Variants in GPHN observed in about 807,000 individuals in gnomAD.
The protein encoded by GPHN is gephyrin.
GPHN carries 17 observed loss-of-function variants against 95.5 expected under a neutral mutation model. The ratio of observed to expected loss-of-function variants is 0.18; its 90% CI spans 0.12 to 0.27. The LOEUF (loss-of-function observed/expected upper bound fraction) is 0.27. Ranked by LOEUF, GPHN falls within the 10% of genes least tolerant of loss-of-function variation. The probability of loss-of-function intolerance (pLI) is 1.00; values close to 1 mark genes in which losing one functional copy is unlikely to be tolerated. For missense variants in GPHN, 660 were observed against 978.1 expected, an observed-to-expected ratio of 0.67 and a Z score of 4.34; for synonymous variants, 320 against 322.5, an observed-to-expected ratio of 0.99 and a Z score of 0.08.
chr14:67,463,416 G>T, the GPHN span, among the ~76,000 whole-genome samples: 1 of 152,090 alleles, frequency 6.6e-6, no homozygotes, highest in Non-Finnish European at 1.5e-5. Context: ...GAGGCGGGTG[G>T]ATCACAAGGT....
the GPHN span, among the ~76,000 whole-genome samples, chr14:67,513,410 T>C: frequency 6.6e-6 from 1 of 152,182 alleles, no homozygotes; most frequent in Middle Eastern, 3.2e-3. Context: ...AATCTATAGC[T>C]CAGGGGACTC....
the GPHN span, among the ~76,000 whole-genome samples, chr14:67,326,962 G>C: frequency 3.0e-4 from 45 of 151,888 alleles, no homozygotes; most frequent in African/African-American, 1.1e-3. Context: ...ATCACTTGAG[G>C]TGAGGAGTTT....
the GPHN span, among the ~76,000 whole-genome samples, chr14:67,686,441 C>A: frequency 1.3e-5 from 2 of 151,952 alleles, no homozygotes; most frequent in Non-Finnish European, 2.9e-5. Flanking sequence ...GAGTTATAGA[C>A]CAGCCTGGGC....
chr14:66,977,913 T>C (rs1445015395), intron 9 of GPHN, among the ~76,000 whole-genome samples: 2 of 152,238 alleles, frequency 1.3e-5, no homozygotes, highest in African/African-American at 4.8e-5. Flanking sequence ...TACCTATATT[T>C]ACAGGCATAC....
chr14:67,619,939 G>C, the GPHN span: 64 of 1,407,646 alleles, frequency 4.5e-5, 1 homozygote, highest in Middle Eastern at 1.7e-3. Flanking sequence ...TTCCAACCGC[G>C]CGGAGCCTCT....
chr14:67,671,830 AAGAGAGG>A, the GPHN span, among the ~76,000 whole-genome samples: 1 of 152,188 alleles, frequency 6.6e-6, no homozygotes, highest in Non-Finnish European at 1.5e-5. Context: ...GCAGGCAAGC[AAGAGAGG>A]GCTGAACTAA....
At chr14:67,303,447 G>A in the GPHN span, 23 of 1,185,788 alleles carry the variant, frequency 1.9e-5, no homozygotes, top group Non-Finnish European at 2.9e-5. Flanking sequence ...CCAGTTTAGG[G>A]AATATAGATC....
chr14:67,633,836 T>C, the GPHN span, among the ~76,000 whole-genome samples: 1 of 152,252 alleles, frequency 6.6e-6, no homozygotes, highest in African/African-American at 2.4e-5. Flanking sequence ...TAAGCATTTC[T>C]TCCTCCTCTC....
chr14:67,012,767 T>C (rs1756016548), intron 9 of GPHN, among the ~76,000 whole-genome samples: 1 of 152,170 alleles, frequency 6.6e-6, no homozygotes, highest in African/African-American at 2.4e-5. Flanking sequence ...TTTGCACACC[T>C]TTAGCTGTTT....
At chr14:67,134,497 A>T (rs1182040756) in intron 17 of GPHN, among the ~76,000 whole-genome samples, 1 of 152,236 alleles carries the variant, frequency 6.6e-6, no homozygotes, top group Admixed American at 6.5e-5. Context: ...TGATATTATA[A>T]TTGAGTAACT....
At chr14:66,879,354 A>T (rs545430974) in intron 4 of GPHN, among the ~76,000 whole-genome samples, 2 of 74,276 alleles carry the variant, frequency 2.7e-5, no homozygotes, top group East Asian at 1.5e-3. Flanking sequence ...AAAGTATATT[A>T]AAAAAAAAAA....
the GPHN span, among the ~76,000 whole-genome samples, chr14:67,205,510 C>T: frequency 6.6e-6 from 1 of 152,010 alleles, no homozygotes; most frequent in Non-Finnish European, 1.5e-5. Flanking sequence ...TACCCAGTAC[C>T]TTGAAGGATG....
chr14:67,674,545 C>T, the GPHN span: 1 of 1,472,152 alleles, frequency 6.8e-7, no homozygotes, highest in Middle Eastern at 2.5e-4. Flanking sequence ...GGGCCCTTTC[C>T]TAGCCCGGCG....
chr14:66,716,627 G>A (rs142425555), intron 2 of GPHN, among the ~76,000 whole-genome samples: 1 of 152,020 alleles, frequency 6.6e-6, no homozygotes. Context: ...TGAGATTTAT[G>A]CTTTAAATAA....
chr14:66,512,454 G>A (rs1024677241), intron 1 of GPHN, among the ~76,000 whole-genome samples: 3 of 151,810 alleles, frequency 2.0e-5, no homozygotes, highest in African/African-American at 7.2e-5. Flanking sequence ...AAGGTACTTA[G>A]CTGAAGATGA....
At chr14:67,220,433 C>A in the GPHN span, among the ~76,000 whole-genome samples, 2 of 150,986 alleles carry the variant, frequency 1.3e-5, no homozygotes, top group African/African-American at 2.4e-5. Flanking sequence ...CAGAGAGAGA[C>A]CTTTTCTCAG....
the GPHN span, among the ~76,000 whole-genome samples, chr14:67,624,854 A>G: frequency 3.5e-3 from 533 of 152,354 alleles, 4 homozygotes; most frequent in African/African-American, 0.012. Flanking sequence ...GAATCTCAGT[A>G]AGAACATTAA....
the GPHN span, among the ~76,000 whole-genome samples, chr14:67,318,270 GATC>G: frequency 6.6e-6 from 1 of 152,092 alleles, no homozygotes; most frequent in African/African-American, 2.4e-5. Flanking sequence ...AAACATTATA[GATC>G]ATTATAATAT....
At chr14:67,456,950 G>GA in the GPHN span, among the ~76,000 whole-genome samples, 3 of 152,226 alleles carry the variant, frequency 2.0e-5, no homozygotes, top group Non-Finnish European at 1.5e-5. Flanking sequence ...ATACAGCCAT[G>GA]AAAAAGAACG....
Sources: allele counts gnomAD v4.1 joint callset (sites outside exome capture counted in the v4.1 genomes callset), GRCh38; gene constraint gnomAD v4.1.1; transcripts MANE v1.5; gene names NCBI Gene and HGNC (gene_info 2026-07-23, HGNC 2026-07-21).